The following SH3KBP1 variants were observed in gnomAD, a reference collection of about 807,000 sequenced individuals.
SH3KBP1 encodes the protein SH3 domain containing kinase binding protein 1, also known as SH3 domain-containing kinase-binding protein 1.
SH3KBP1 carries 8 observed loss-of-function variants against 50.1 expected under a neutral mutation model. The observed-to-expected ratio is 0.16, with a 90% CI of 0.09 to 0.29. The LOEUF is 0.29. Ranked by LOEUF, SH3KBP1 falls within the 10% of genes least tolerant of loss-of-function variation. The pLI, the probability that SH3KBP1 is intolerant of heterozygous loss-of-function variation, is 1.00. For synonymous variants in SH3KBP1, 227 were observed against 218.6 expected (o/e 1.04, Z -0.34); for missense variants, 377 against 535.2 (o/e 0.70, Z 2.92).
intron 6 of SH3KBP1, among the ~76,000 whole-genome samples, chrX:19,678,811 C>G (rs983850070): frequency 9.0e-6 from 1 of 111,269 alleles, no homozygotes; most frequent in Non-Finnish European, 1.9e-5. Context: ...AGTTGGAATA[C>G]TTTCGCTAAA....
chrX:19,783,026 G>A (rs1401828370), intron 2 of SH3KBP1, among the ~76,000 whole-genome samples: 3 of 111,938 alleles, frequency 2.7e-5, no homozygotes, highest in South Asian at 3.7e-4. Flanking sequence ...GTTGGGGTGG[G>A]AGAATCACTT....
intron 1 of SH3KBP1, among the ~76,000 whole-genome samples, chrX:19,850,343 C>G (rs2068473277): frequency 9.0e-6 from 1 of 111,182 alleles, no homozygotes; most frequent in East Asian, 2.8e-4. Flanking sequence ...GCCACCATGC[C>G]TGGCTAATTT....
rs766703802 is a variant in SH3KBP1, at chrX:19,635,531, GT to G, written c.803-3574del. ...CCTGCACATTCTGCACGTGTATCCCGTTTTTTTTTTTTTAGAAGAAAGAAAA... is the reference window on the plus strand; with the variant it reads ...CCTGCACATTCTGCACGTGTATCCCGTTTTTTTTTTTTAGAAGAAAGAAAA... On this transcript the variant is annotated intron_variant, in intron 7 of 17. Transcript: ENST00000397821. Among the ~76,000 whole-genome samples the G allele has an allele frequency of 9.7e-3, 953 of 98,689 alleles. 23 individuals are homozygous for G. Among genetic ancestry groups the G allele is most frequent in the East Asian group, 0.054 (174 of 3,234 alleles). 85.7% of individuals were successfully genotyped at this position (98,689 alleles called of 115,157 possible).
intron 1 of SH3KBP1, among the ~76,000 whole-genome samples, chrX:19,837,344 G>A (rs918942109): frequency 1.8e-5 from 2 of 111,540 alleles, no homozygotes; most frequent in African/African-American, 3.3e-5. Flanking sequence ...TCTTCTCACT[G>A]ACAAAGTGCC....
At chrX:19,772,256 A>G (rs999796896) in intron 2 of SH3KBP1, among the ~76,000 whole-genome samples, 2 of 111,700 alleles carry the variant, frequency 1.8e-5, no homozygotes, top group African/African-American at 6.5e-5. Context: ...CAACAATAAG[A>G]GAGTCTGTTC....
Position 19,605,454 on chromosome X carries a change from G to A in SH3KBP1, c.1005+2484C>T, listed in dbSNP as rs1473299559. On this transcript the variant is annotated intron_variant, in intron 9 of 17. Transcript: ENST00000397821. ...AAATGTCTAGTAAGATGGTATGCTTGCTAAGATTCCTTGGTCGAAGGGAGA... is the reference window on the plus strand; with the variant it reads ...AAATGTCTAGTAAGATGGTATGCTTACTAAGATTCCTTGGTCGAAGGGAGA... 2.7e-5 allele frequency among the ~76,000 whole-genome samples: 3 copies of A among 111,901 alleles called. No individual in the cohort carries two copies. In the Admixed American group the frequency reaches 2.8e-4, roughly 11 times the overall value.
intron 13 of SH3KBP1, among the ~76,000 whole-genome samples, chrX:19,552,898 G>A (rs149293753): frequency 1.2e-3 from 130 of 109,511 alleles, no homozygotes; most frequent in African/African-American, 4.2e-3. Flanking sequence ...AAGCGGAGGA[G>A]TGGAGAGGCC....
chrX:19,877,930 G>A (rs771310467), intron 1 of SH3KBP1, among the ~76,000 whole-genome samples: 5 of 112,296 alleles, frequency 4.5e-5, no homozygotes, highest in Non-Finnish European at 7.5e-5. Flanking sequence ...CAGAAAGGAA[G>A]TAAGCAGAGG....
intron 13 of SH3KBP1, among the ~76,000 whole-genome samples, chrX:19,551,516 TA>T (rs2065237293): frequency 9.3e-6 from 1 of 107,779 alleles, no homozygotes; most frequent in African/African-American, 3.5e-5. Flanking sequence ...TTATTATTAT[TA>T]TTATTTTCTT....
intron 1 of SH3KBP1, among the ~76,000 whole-genome samples, chrX:19,845,875 G>A (rs759618193): frequency 9.0e-6 from 1 of 111,475 alleles, no homozygotes; most frequent in Admixed American, 9.5e-5. Context: ...CTCCTAAAGT[G>A]CTGGAATTAC....
intron 8 of SH3KBP1, among the ~76,000 whole-genome samples, chrX:19,608,394 C>T (rs747877207): frequency 3.8e-5 from 4 of 106,324 alleles, no homozygotes; most frequent in East Asian, 2.9e-4. Flanking sequence ...CTGCAACCTC[C>T]GCCTCCTGGG....
At chrX:19,617,462 T>A (rs930365720) in intron 8 of SH3KBP1, among the ~76,000 whole-genome samples, 1 of 112,513 alleles carries the variant, frequency 8.9e-6, no homozygotes, top group African/African-American at 3.2e-5. Context: ...GTCTGAGCTA[T>A]TTCAAGGTCT....
intron 2 of SH3KBP1, among the ~76,000 whole-genome samples, chrX:19,752,368 A>T (rs2065091179): frequency 8.9e-6 from 1 of 112,624 alleles, no homozygotes; most frequent in Admixed American, 9.4e-5. Context: ...AGAGAGTAGT[A>T]TACAAATTGA....
At chrX:19,621,014 T>TTC (rs1556027709) in intron 8 of SH3KBP1, among the ~76,000 whole-genome samples, 19 of 103,211 alleles carry the variant, frequency 1.8e-4, no homozygotes, top group African/African-American at 7.1e-4. Flanking sequence ...TCAGGTTGGT[T>TTC]TTTTTTTTTT....
chrX:19,678,835 C>T (rs12008199), intron 6 of SH3KBP1, among the ~76,000 whole-genome samples: 2,619 of 111,221 alleles, frequency 0.024, 80 homozygotes, highest in African/African-American at 0.081. Context: ...CCTATCTGAT[C>T]GTGTCACTCT....
At chrX:19,777,299 C>A (rs1181348499) in intron 2 of SH3KBP1, among the ~76,000 whole-genome samples, 1 of 110,758 alleles carries the variant, frequency 9.0e-6, no homozygotes, top group Non-Finnish European at 1.9e-5. Flanking sequence ...AACTGCCCTG[C>A]CCTAAATACA....
chrX:19,757,129 G>A lies in SH3KBP1; in HGVS notation c.163-10688C>T, dbSNP rs181990068. Among the ~76,000 whole-genome samples the A allele has an allele frequency of 1.3e-3, 124 of 98,554 alleles. 6 individuals are homozygous for A. In the East Asian group the frequency reaches 0.023, roughly 19 times the overall value. 85.6% of individuals were successfully genotyped at this position (98,554 alleles called of 115,157 possible). ...GAAATATGTTTACTATTTCCTGATC[G>A]TTAAATTATTGACTGCTTTTTTTTT... On this transcript the variant is annotated intron_variant, in intron 2 of 17. Transcript: ENST00000397821.
At position 19,546,120 on chromosome X, in the gene SH3KBP1, T is replaced by C. The variant is rs141782682; in HGVS notation, c.1495-70A>G. ...GCTGACACCACTTTCGTTAATATAATGCTGTATGCTTTAAAAGCACTCGAC... is the reference window on the plus strand; with the variant it reads ...GCTGACACCACTTTCGTTAATATAACGCTGTATGCTTTAAAAGCACTCGAC... On this transcript the variant is annotated intron_variant, in intron 14 of 17. Coordinates refer to ENST00000397821, the MANE Select transcript of SH3KBP1 (RefSeq NM_031892.3). 553 of 1,107,486 alleles carry C rather than the reference T, an allele frequency of 5.0e-4. 4 individuals carry two copies. The African/African-American group carries it at 9.0e-3, about 18-fold the overall frequency. The allele number at this position is 1,107,486 out of a possible 1,213,427, so 91.3% of individuals were successfully genotyped here.
chrX:19,565,572 T>C (rs2065820511), intron 13 of SH3KBP1, among the ~76,000 whole-genome samples: 1 of 111,417 alleles, frequency 9.0e-6, no homozygotes, highest in South Asian at 3.7e-4. Flanking sequence ...TGCTCTTATT[T>C]CAACACTAGA....
Sources: gnomAD v4.1 joint callset for allele counts (sites outside exome capture counted in the v4.1 genomes callset) on GRCh38, gnomAD v4.1.1 for gene constraint, MANE v1.5 for transcripts, NCBI Gene and HGNC (gene_info 2026-07-23, HGNC 2026-07-21) for gene names.